The following KLHL25 variants were observed in gnomAD, a reference collection of about 807,000 sequenced individuals.
The protein encoded by KLHL25 is kelch-like protein 25.
Under a neutral mutation model 30.0 loss-of-function variants are expected in KLHL25, and 41 were observed. The ratio of observed to expected loss-of-function variants is 1.37; its 90% CI spans 1.07 to 1.78. KLHL25 has a LOEUF of 1.78. KLHL25 is among the 40% of genes most tolerant of loss of function. KLHL25 has a pLI of 0.00. For synonymous variants in KLHL25, 399 were observed against 355.3 expected (o/e 1.12, Z -1.38); for missense variants, 971 against 824.5 (o/e 1.18, Z -2.18).
chr15:85,766,036 T>C (rs189784221), intron 2 of KLHL25, among the ~76,000 whole-genome samples: 179 of 152,244 alleles, frequency 1.2e-3, no homozygotes, highest in Non-Finnish European at 2.2e-3. Context: ...TCAGCTTCCA[T>C]TGAGAAGCAA....
intron 1 of KLHL25, among the ~76,000 whole-genome samples, chr15:85,770,735 C>T (rs1184484934): frequency 2.0e-5 from 3 of 152,314 alleles, no homozygotes; most frequent in Middle Eastern, 6.8e-3. Flanking sequence ...CCAGGTCCCC[C>T]AGCTGACGCC....
chr15:85,762,027 T>G (rs1257807401), intron 2 of KLHL25: 2 of 152,250 alleles, frequency 1.3e-5, no homozygotes, highest in African/African-American at 4.8e-5. Flanking sequence ...TCCCACACAG[T>G]GCTGGGCCGT....
chr15:85,778,255 A>C (rs1028351508), intron 1 of KLHL25, among the ~76,000 whole-genome samples: 1 of 152,212 alleles, frequency 6.6e-6, no homozygotes, highest in African/African-American at 2.4e-5. Context: ...GGAAAGACAC[A>C]CAGCACTTCT....
At chr15:85,769,873 C>A in intron 1 of KLHL25, 53 bp from the exon 2 acceptor site, 3 of 1,411,848 alleles carry the variant, frequency 2.1e-6, no homozygotes, top group South Asian at 1.3e-5. Flanking sequence ...CCCATCTGCC[C>A]TCTCAGGGCT....
chr15:85,761,396 G>A (rs1482074231), intron 2 of KLHL25: 1 of 152,344 alleles, frequency 6.6e-6, no homozygotes, highest in East Asian at 1.9e-4. Flanking sequence ...CATCAGATGG[G>A]CAGGGGCCCT....
chr15:85,769,552 C>G lies in KLHL25; in HGVS notation c.259G>C (p.Val87Leu), dbSNP rs2089654587. The G allele has an allele frequency of 6.2e-7, 1 of 1,613,878 alleles. No individual in the cohort carries two copies. Among genetic ancestry groups the G allele is most frequent in the South Asian group, 1.1e-5 (1 of 91,088 alleles). The change falls in exon 2 of 3, where the codon GTC (valine) becomes CTC (leucine). Residue 87 changes from valine (V) to leucine (L), a missense_variant. Physicochemically the swap from Val to Leu is conservative, Grantham distance 32. Coordinates refer to ENST00000337975, the MANE Select transcript of KLHL25 (RefSeq NM_022480.4). ...HGLRESRDDTVNFQDNLHPEV... is the reference protein window; with the variant it reads ...HGLRESRDDTLNFQDNLHPEV... ...GGGTGCAGGTTGTCCTGGAAGTTGA[C>G]AGTGTCATCCCGGCTCTCCCGAAGG... is the stretch of plus-strand genomic sequence containing the variant.
At chr15:85,794,224 AAACGAGGGACCCTGGCAGGCGG>A (rs1311478522) in intron 1 of KLHL25, among the ~76,000 whole-genome samples, 2 of 152,168 alleles carry the variant, frequency 1.3e-5, no homozygotes, top group African/African-American at 4.8e-5. Flanking sequence ...CTGCAAACCG[AAACGAGGGACCCTGGCAGGCGG>A]AACGTGAACG....
At chr15:85,787,852 G>C (rs1307271468) in intron 1 of KLHL25, among the ~76,000 whole-genome samples, 1 of 152,106 alleles carries the variant, frequency 6.6e-6, no homozygotes, top group African/African-American at 2.4e-5. Flanking sequence ...ATACAAAGGA[G>C]GGGATGGACC....
chr15:85,774,492 C>A (rs1427291647), intron 1 of KLHL25, among the ~76,000 whole-genome samples: 1 of 152,280 alleles, frequency 6.6e-6, no homozygotes, highest in East Asian at 1.9e-4. Flanking sequence ...GTGAGACTTT[C>A]TGAAGAAAAC....
At chr15:85,765,985 G>T (rs954803984) in intron 2 of KLHL25, among the ~76,000 whole-genome samples, 1 of 152,170 alleles carries the variant, frequency 6.6e-6, no homozygotes, top group African/African-American at 2.4e-5. Context: ...CCCTTTAAGG[G>T]ACTCGAAGGC....
intron 2 of KLHL25, among the ~76,000 whole-genome samples, chr15:85,764,834 G>C (rs2089608628): frequency 6.6e-6 from 1 of 152,222 alleles, no homozygotes; most frequent in Non-Finnish European, 1.5e-5. Flanking sequence ...CTAGTGCTAT[G>C]AGTAATACAA....
At chr15:85,771,201 G>GAAAA (rs55642980) in intron 1 of KLHL25, 2 of 118,016 alleles carry the variant, frequency 1.7e-5, no homozygotes, top group Non-Finnish European at 1.7e-5. Context: ...AATTAAGCCT[G>GAAAA]AAAAAAAAAA....
At chr15:85,771,704 G>A (rs770860274) in intron 1 of KLHL25, among the ~76,000 whole-genome samples, 4 of 152,228 alleles carry the variant, frequency 2.6e-5, no homozygotes, top group Non-Finnish European at 5.9e-5. Flanking sequence ...ACAGGGCTCC[G>A]AGGCTATATG....
Position 85,789,434 on chromosome 15 carries a change from G to A in KLHL25, c.-11+5332C>T, listed in dbSNP as rs913754422. Among the ~76,000 whole-genome samples, 2 of 151,666 alleles carry A rather than the reference G, an allele frequency of 1.3e-5. No homozygotes were observed. Among genetic ancestry groups the A allele is most frequent in the Non-Finnish European group, 2.9e-5 (2 of 67,980 alleles). On this transcript the variant is annotated intron_variant, in intron 1 of 2. Transcript: ENST00000337975. The surrounding 1 kb of genome is among the most constrained non-coding windows in gnomAD (Gnocchi z 4.1). ...TTTACTCTGTTGCCCAGGCTGCAGT[G>A]CCATGGCGCGATCTCGGCTTACTGC...
intron 1 of KLHL25, among the ~76,000 whole-genome samples, chr15:85,784,546 A>T (rs893960474): frequency 6.7e-5 from 8 of 118,720 alleles, no homozygotes; most frequent in African/African-American, 2.3e-4. Flanking sequence ...AAATAAAAAA[A>T]TAAAAAAAAA....
chr15:85,768,055 G>T lies in KLHL25; in HGVS notation c.1756C>A (p.His586Asn), dbSNP rs1205860725. ...GCAGGTGCTCCTCACGCGGGCAGGT[G>T]CTTCCAGGTGCTGACAAAGGCCGTG... The part of the protein sequence containing the change: ...IPTAFVSTWK[H>N]LPA The change falls in exon 2 of 3, where the codon CAC becomes AAC. Residue 586 changes from histidine (H) to asparagine (N), a missense_variant. By Grantham distance (68) the His-to-Asn change is moderately conservative. Coordinates refer to ENST00000337975, the MANE Select transcript of KLHL25 (RefSeq NM_022480.4). 6.2e-7 allele frequency: 1 copy of T among 1,610,904 alleles called. No homozygotes were observed. Among genetic ancestry groups the T allele is most frequent in the African/African-American group, 1.3e-5 (1 of 74,894 alleles).
intron 1 of KLHL25, among the ~76,000 whole-genome samples, chr15:85,778,373 G>A (rs1239152375): frequency 1.3e-5 from 2 of 152,156 alleles, no homozygotes; most frequent in Non-Finnish European, 2.9e-5. Flanking sequence ...AAAATTTACC[G>A]ATAAGAAAAT....
intron 1 of KLHL25, among the ~76,000 whole-genome samples, chr15:85,785,019 A>T (rs2089771533): frequency 6.6e-6 from 1 of 152,166 alleles, no homozygotes; most frequent in Non-Finnish European, 1.5e-5. Flanking sequence ...GGAGCAGAAG[A>T]CAACTCACGC....
chr15:85,794,280 C>G (rs904590695), intron 1 of KLHL25, among the ~76,000 whole-genome samples: 1 of 152,226 alleles, frequency 6.6e-6, no homozygotes, highest in African/African-American at 2.4e-5. Flanking sequence ...CGGCCAGGCC[C>G]GCGCAAACCC....
Sources: allele counts gnomAD v4.1 joint callset (sites outside exome capture counted in the v4.1 genomes callset), GRCh38; gene constraint gnomAD v4.1.1; non-coding constraint Gnocchi (gnomAD v3.1); transcripts MANE v1.5; gene names NCBI Gene and HGNC (gene_info 2026-07-23, HGNC 2026-07-21).